Variants in GRIK1 observed in about 807,000 individuals in gnomAD.
GRIK1 encodes glutamate receptor ionotropic, kainate 1.
A neutral mutation model predicts 105.7 loss-of-function variants in GRIK1; 69 were observed. The ratio of observed to expected loss-of-function variants is 0.65; its 90% confidence interval spans 0.54 to 0.80. The LOEUF (loss-of-function observed/expected upper bound fraction) is 0.80. Among genes scored for constraint, GRIK1 ranks in the 30% least tolerant of loss-of-function variants. GRIK1 has a pLI of 0.00. For missense variants in GRIK1, 1,109 were observed against 1,167.3 expected (o/e 0.95, Z 0.73); for synonymous variants, 438 against 431.3 (o/e 1.02, Z -0.19).
chr21:29,618,264 G>A (rs2061896857), intron 7 of GRIK1, among the ~76,000 whole-genome samples: 1 of 152,084 alleles, frequency 6.6e-6, no homozygotes, highest in Admixed American at 6.6e-5. Flanking sequence ...TTCACTGAGG[G>A]CAGGGCATTC....
At chr21:29,832,538 C>T (rs538456491) in intron 1 of GRIK1, among the ~76,000 whole-genome samples, 3 of 152,194 alleles carry the variant, frequency 2.0e-5, no homozygotes, top group Non-Finnish European at 4.4e-5. Flanking sequence ...ACAGGCTTAA[C>T]AGCACATGGA....
chr21:29,730,376 A>C (rs896692557), intron 1 of GRIK1, among the ~76,000 whole-genome samples: 1 of 152,166 alleles, frequency 6.6e-6, no homozygotes, highest in Non-Finnish European at 1.5e-5. Flanking sequence ...CACCAATCAA[A>C]ATATCTCAGG....
At chr21:29,848,127 C>A (rs368203619) in intron 1 of GRIK1, among the ~76,000 whole-genome samples, 11 of 152,234 alleles carry the variant, frequency 7.2e-5, no homozygotes, top group Admixed American at 6.5e-4. Flanking sequence ...TCAGACTTTG[C>A]CTTGGCAACG....
At chr21:29,776,850 T>C (rs150187714) in intron 1 of GRIK1, among the ~76,000 whole-genome samples, 53 of 152,324 alleles carry the variant, frequency 3.5e-4, no homozygotes, top group African/African-American at 1.3e-3. Flanking sequence ...TACATTTTAA[T>C]TGAGTGACTA....
Position 29,654,847 on chromosome 21 carries a change from A to C in GRIK1, c.743T>G (p.Met248Arg). 6.3e-7 allele frequency: 1 copy of C among 1,584,346 alleles called. No individual in the cohort carries two copies. The highest frequency in any genetic ancestry group is 8.7e-7 in the Non-Finnish European group (1 of 1,152,784). The change falls in exon 5 of 18, where the codon ATG becomes AGG. Residue 248 changes from methionine (M) to arginine (R), a missense_variant. Transcript: ENST00000327783. ...EILKQILFMG[M>R]MTEYYHYFFT... ...AAAGTAGTGATAGTACTCGGTCATC[A>C]TGCCCATGAACAGAATCTGCAAAAG...
intron 7 of GRIK1, among the ~76,000 whole-genome samples, chr21:29,624,492 G>A (rs1383860677): frequency 6.6e-6 from 1 of 151,858 alleles, no homozygotes; most frequent in Non-Finnish European, 1.5e-5. Flanking sequence ...TATTTAATAT[G>A]GAATCAATAA....
At chr21:29,754,624 G>A (rs977351745) in intron 1 of GRIK1, among the ~76,000 whole-genome samples, 1 of 152,142 alleles carries the variant, frequency 6.6e-6, no homozygotes, top group African/African-American at 2.4e-5. Flanking sequence ...ACTTGACCAG[G>A]CGACAGTACC....
chr21:29,537,610 C>T (rs931234544), intron 17 of GRIK1, 188 bp downstream of exon 17: 9 of 679,168 alleles, frequency 1.3e-5, no homozygotes, highest in African/African-American at 1.3e-4. Flanking sequence ...GGATTTCATT[C>T]ACAAATGCAG....
chr21:29,542,090 C>A (rs1357011306), intron 16 of GRIK1, among the ~76,000 whole-genome samples: 1 of 151,916 alleles, frequency 6.6e-6, no homozygotes, highest in African/African-American at 2.4e-5. Context: ...TGGAGAAACA[C>A]AAGTTAGTCT....
chr21:29,821,657 G>T (rs564347074), intron 1 of GRIK1, among the ~76,000 whole-genome samples: 15 of 152,066 alleles, frequency 9.9e-5, no homozygotes, highest in Middle Eastern at 3.4e-3. Context: ...AATTATTACC[G>T]TAGTATAGTA....
intron 1 of GRIK1, among the ~76,000 whole-genome samples, chr21:29,934,317 A>G (rs1328980185): frequency 6.6e-6 from 1 of 152,208 alleles, no homozygotes; most frequent in Admixed American, 6.5e-5. Context: ...ACCAAGAGCA[A>G]GAGGTAATTT....
chr21:29,622,800 T>C (rs897779185), intron 7 of GRIK1, among the ~76,000 whole-genome samples: 6 of 152,340 alleles, frequency 3.9e-5, no homozygotes, highest in East Asian at 3.9e-4. Context: ...TTGCACAAGA[T>C]TCCCCATCTT....
At chr21:29,936,448 G>T (rs1664713258) in intron 1 of GRIK1, among the ~76,000 whole-genome samples, 1 of 152,182 alleles carries the variant, frequency 6.6e-6, no homozygotes, top group Admixed American at 6.5e-5. Context: ...TGATTGTGAA[G>T]CTCACAGACC....
At chr21:29,832,037 A>G (rs1349981157) in intron 1 of GRIK1, among the ~76,000 whole-genome samples, 1 of 152,188 alleles carries the variant, frequency 6.6e-6, no homozygotes, top group Non-Finnish European at 1.5e-5. Context: ...AGCTGAAACA[A>G]AAGGGCTACA....
At chr21:29,812,744 C>G (rs1358876980) in intron 1 of GRIK1, among the ~76,000 whole-genome samples, 1 of 152,178 alleles carries the variant, frequency 6.6e-6, no homozygotes, top group East Asian at 1.9e-4. Context: ...AACAAGCCGG[C>G]CAGGCTGGGT....
At chr21:29,786,794 T>C (rs1045506197) in intron 1 of GRIK1, among the ~76,000 whole-genome samples, 1 of 152,176 alleles carries the variant, frequency 6.6e-6, no homozygotes, top group Non-Finnish European at 1.5e-5. Context: ...ATTTGATCCA[T>C]TTTAACTTGA....
intron 4 of GRIK1, among the ~76,000 whole-genome samples, 200 bp from the exon 5 acceptor site, chr21:29,655,063 C>T (rs2062822860): frequency 6.6e-6 from 1 of 152,194 alleles, no homozygotes; most frequent in African/African-American, 2.4e-5. Flanking sequence ...ACACTATTTC[C>T]ATTACACACT....
intron 1 of GRIK1, among the ~76,000 whole-genome samples, chr21:29,766,938 TTC>T (rs1337424201): frequency 6.6e-6 from 1 of 152,222 alleles, no homozygotes. Context: ...ATGGGATTGT[TTC>T]CCAAAGACTG....
chr21:29,560,357 T>TCGTCC, intron 15 of GRIK1, among the ~76,000 whole-genome samples: 1 of 58,186 alleles, frequency 1.7e-5, no homozygotes, highest in East Asian at 5.1e-4. Context: ...CTTTCTTTCT[T>TCGTCC]TTTCTTTCTT....
Sources: gnomAD v4.1 joint callset for allele counts (sites outside exome capture counted in the v4.1 genomes callset) on GRCh38, gnomAD v4.1.1 for gene constraint, MANE v1.5 for transcripts, NCBI Gene and HGNC (gene_info 2026-07-23, HGNC 2026-07-21) for gene names.